CGNL1: variants seen among roughly 807,000 people sequenced by gnomAD.
CGNL1 encodes cingulin-like protein 1.
Under a neutral mutation model 141.2 loss-of-function variants are expected in CGNL1, and 132 were observed. The observed-to-expected ratio is 0.93, with a 90% CI of 0.81 to 1.08. The LOEUF (loss-of-function observed/expected upper bound fraction) is 1.08, where lower values mean the gene tolerates loss of function less well. CGNL1 is among the 50% of genes least tolerant of loss of function. The pLI is 0.00. For missense variants in CGNL1, 1,870 were observed against 1,588.6 expected (o/e 1.18, Z -3.01); for synonymous variants, 690 against 622.1 (o/e 1.11, Z -1.63).
At position 57,468,202 on chromosome 15, in the gene CGNL1, TTTTTTC is replaced by T. The variant is rs1162692695; in HGVS notation, c.2403+6314_2403+6319del. On this transcript the variant is annotated intron_variant, in intron 8 of 18. Transcript: ENST00000281282. ...CAAATGTGTGAAGTTTTTTCTTCCT[TTTTTTC>T]TTTCTTTTTCTTTTCTTTTCTTTTT... Among the ~76,000 whole-genome samples, 5 of 151,510 alleles carry T rather than the reference TTTTTTC, an allele frequency of 3.3e-5. No individual in the cohort carries two copies. The East Asian group carries it at 9.7e-4, about 29-fold the overall frequency.
intron 1 of CGNL1, among the ~76,000 whole-genome samples, chr15:57,378,944 A>G (rs184763974): frequency 5.5e-4 from 84 of 152,258 alleles, no homozygotes; most frequent in African/African-American, 2.0e-3. Flanking sequence ...TTGGCTTGAA[A>G]TGGAGGTTAC....
chr15:57,378,538 T>C (rs1215349879), intron 1 of CGNL1, among the ~76,000 whole-genome samples: 2 of 151,910 alleles, frequency 1.3e-5, no homozygotes, highest in Non-Finnish European at 2.9e-5. Flanking sequence ...CCCGCTACCA[T>C]GCTCGGCTAC....
chr15:57,505,444 C>T (rs753366412), intron 8 of CGNL1, among the ~76,000 whole-genome samples: 1 of 152,170 alleles, frequency 6.6e-6, no homozygotes, highest in African/African-American at 2.4e-5. Flanking sequence ...ATTCCCCTTG[C>T]CAGTCAGTTA....
At chr15:57,472,414 G>T (rs2063593849) in intron 8 of CGNL1, among the ~76,000 whole-genome samples, 1 of 152,118 alleles carries the variant, frequency 6.6e-6, no homozygotes, top group African/African-American at 2.4e-5. Context: ...CAGATTTTTA[G>T]AGAGAGAGAC....
chr15:57,452,333 A>T, intron 6 of CGNL1, 44 bp downstream of exon 6: 1 of 1,575,288 alleles, frequency 6.3e-7, no homozygotes, highest in Non-Finnish European at 8.6e-7. Flanking sequence ...CAGGTTCTCT[A>T]TGACATGTAG....
At chr15:57,470,561 C>T (rs2063569581) in intron 8 of CGNL1, among the ~76,000 whole-genome samples, 1 of 152,136 alleles carries the variant, frequency 6.6e-6, no homozygotes, top group Non-Finnish European at 1.5e-5. Flanking sequence ...GGTGTTTTAC[C>T]TGAGCTGCCT....
chr15:57,524,307 G>C (rs923126765), intron 11 of CGNL1, among the ~76,000 whole-genome samples: 2 of 152,190 alleles, frequency 1.3e-5, no homozygotes, highest in Non-Finnish European at 2.9e-5. Flanking sequence ...AGAGGTTAAC[G>C]ACGTGCCCCA....
chr15:57,383,994 G>A (rs1338987596), intron 1 of CGNL1, among the ~76,000 whole-genome samples: 2 of 151,236 alleles, frequency 1.3e-5, no homozygotes, highest in Non-Finnish European at 2.9e-5. Context: ...AAATGCATTT[G>A]GTCTGGTTGT....
At chr15:57,432,022 T>C (rs1382700740) in intron 1 of CGNL1, among the ~76,000 whole-genome samples, 1 of 152,210 alleles carries the variant, frequency 6.6e-6, no homozygotes, top group Non-Finnish European at 1.5e-5. Flanking sequence ...ACCCACTGTA[T>C]TAGATGCTCT....
chr15:57,444,003 T>G (rs1427552549), intron 4 of CGNL1, among the ~76,000 whole-genome samples: 1 of 152,182 alleles, frequency 6.6e-6, no homozygotes, highest in African/African-American at 2.4e-5. Flanking sequence ...TCTGTACAGT[T>G]CATTGAATTT....
At chr15:57,419,749 A>T (rs1309649073) in intron 1 of CGNL1, among the ~76,000 whole-genome samples, 7 of 152,166 alleles carry the variant, frequency 4.6e-5, no homozygotes, top group African/African-American at 1.4e-4. Flanking sequence ...GCTTGGCTCA[A>T]TCAGTGTCTG....
intron 10 of CGNL1, among the ~76,000 whole-genome samples, chr15:57,520,069 C>G (rs142613069): frequency 6.6e-6 from 1 of 152,306 alleles, no homozygotes; most frequent in Non-Finnish European, 1.5e-5. Flanking sequence ...TTGTTGAGGC[C>G]TGTTTTCCCA....
intron 1 of CGNL1, among the ~76,000 whole-genome samples, chr15:57,400,197 G>T (rs1456937279): frequency 6.6e-6 from 1 of 152,040 alleles, no homozygotes; most frequent in Non-Finnish European, 1.5e-5. Context: ...TGGGGGTCTT[G>T]CTATGTTGGC....
chr15:57,497,794 C>T (rs1472380006), intron 8 of CGNL1, among the ~76,000 whole-genome samples: 1 of 152,228 alleles, frequency 6.6e-6, no homozygotes, highest in Non-Finnish European at 1.5e-5. Flanking sequence ...TGCACCCATG[C>T]ACACACGGGC....
At chr15:57,525,349 A>G (rs2031545870) in intron 12 of CGNL1, among the ~76,000 whole-genome samples, 1 of 152,198 alleles carries the variant, frequency 6.6e-6, no homozygotes, top group African/African-American at 2.4e-5. Context: ...AAGAAAGGGG[A>G]TGTTTTTGAT....
rs1415020459 is a variant in CGNL1 at position 57,548,062 on chromosome 15, C to T, written c.*572C>T. The T allele has an allele frequency of 6.1e-5, 9 of 148,022 alleles. No homozygotes were observed. The highest frequency in any genetic ancestry group is 1.4e-4 in the Admixed American group (2 of 14,594). 9.2% of individuals were successfully genotyped at this position (148,022 alleles called of 1,614,324 possible). A position where few individuals can be genotyped will look rare whatever the true frequency, so the allele number is the denominator to read the frequency against. On this transcript the variant is annotated 3_prime_UTR_variant, in exon 19 of 19. Transcript: ENST00000281282. ...TGTTGCCGAGGCTGGAGTGCAATGG[C>T]GCAACCTTGGCTCACTGCAACCTCT...
At chr15:57,544,181 A>G (rs2032723264) in intron 15 of CGNL1, among the ~76,000 whole-genome samples, 1 of 152,214 alleles carries the variant, frequency 6.6e-6, no homozygotes, top group African/African-American at 2.4e-5. Flanking sequence ...GTAGGTTTAT[A>G]GGGCAAGGCA....
chr15:57,485,860 C>G (rs888667682), intron 8 of CGNL1, among the ~76,000 whole-genome samples: 14 of 152,152 alleles, frequency 9.2e-5, no homozygotes, highest in African/African-American at 3.4e-4. Context: ...GCACAGCTCT[C>G]CAGATGCTGA....
At position 57,516,818 on chromosome 15, in the gene CGNL1, G is replaced by T. The variant is rs540868156; in HGVS notation, c.2442G>T (p.Glu814Asp). Residue 814 changes from glutamate to aspartate, a missense_variant, in exon 9 of 19, where the codon GAG (glutamate) becomes GAT (aspartate). Coordinates refer to ENST00000281282, the MANE Select transcript of CGNL1 (RefSeq NM_032866.5). ...EVLASRSNTSEQDQAGTEMRV... is the reference protein window; with the variant it reads ...EVLASRSNTSDQDQAGTEMRV... ...TGGCGAGCAGGAGCAACACTTCAGA[G>T]CAAGACCAGGCGGGGACTGAAATGC... 6.2e-7 allele frequency: 1 copy of T among 1,614,196 alleles called. No individual in the cohort carries two copies. The highest frequency in any genetic ancestry group is 2.2e-5 in the East Asian group (1 of 44,872).
Sources: allele counts gnomAD v4.1 joint callset (sites outside exome capture counted in the v4.1 genomes callset), GRCh38; gene constraint gnomAD v4.1.1; transcripts MANE v1.5; gene names NCBI Gene and HGNC (gene_info 2026-07-23, HGNC 2026-07-21).